The following PCCA variants were observed in gnomAD, a reference collection of about 807,000 sequenced individuals.
PCCA encodes propionyl-CoA carboxylase alpha chain, mitochondrial.
A neutral mutation model predicts 101.3 loss-of-function variants in PCCA; 74 were observed. The ratio of observed to expected loss-of-function variants is 0.73; its 90% CI spans 0.61 to 0.89. The LOEUF is 0.89. Among genes scored for constraint, PCCA ranks in the 40% least tolerant of loss-of-function variants. The probability of loss-of-function intolerance (pLI) is 0.00; values close to 1 mark genes in which losing one functional copy is unlikely to be tolerated. For synonymous variants in PCCA, 294 were observed against 313.6 expected, an observed-to-expected ratio of 0.94 and a Z score of 0.66; for missense variants, 891 against 907.0, an observed-to-expected ratio of 0.98 and a Z score of 0.23.
chr13:100,270,429 A>G (rs551253072), intron 11 of PCCA, among the ~76,000 whole-genome samples: 30 of 152,328 alleles, frequency 2.0e-4, no homozygotes, highest in African/African-American at 6.3e-4. Context: ...TTCCAATTCA[A>G]TTAACACTCT....
intron 19 of PCCA, among the ~76,000 whole-genome samples, chr13:100,396,073 A>T (rs1315616245): frequency 6.6e-6 from 1 of 152,216 alleles, no homozygotes. Context: ...CAATAATTTA[A>T]CGTTATGCTG....
rs2079163590 is a variant in PCCA at position 100,426,614 on chromosome 13, A to G, written c.1845+883A>G. Among the ~76,000 whole-genome samples the G allele has an allele frequency of 3.3e-5, 5 of 152,186 alleles. 1 individual carries two copies. The South Asian group carries it at 1.0e-3, about 31-fold the overall frequency. ...CATCAGAATCCACAAAAACTATGTG[A>G]TGACTGAACTGATTTCTAAGTCAGT... On this transcript the variant is annotated intron_variant, in intron 20 of 23. Coordinates refer to ENST00000376285, the MANE Select transcript of PCCA (RefSeq NM_000282.4).
chr13:100,269,466 C>T (rs890633686), intron 11 of PCCA, among the ~76,000 whole-genome samples: 1 of 152,082 alleles, frequency 6.6e-6, no homozygotes, highest in Admixed American at 6.6e-5. Flanking sequence ...TTTATCCTAC[C>T]ATGAAAGGCT....
intron 10 of PCCA, among the ~76,000 whole-genome samples, chr13:100,264,196 CATATATGTGATATCTGTATCTCAT>C (rs746299396): frequency 0.2 from 10,143 of 51,090 alleles, 1,453 homozygotes; most frequent in Middle Eastern, 0.45. Flanking sequence ...ATCTGTATAT[CATATATGTGATATCTGTATCTCAT>C]ATATATGTGA....
At chr13:100,243,040 C>T (rs1305172203) in intron 8 of PCCA, among the ~76,000 whole-genome samples, 1 of 152,136 alleles carries the variant, frequency 6.6e-6, no homozygotes, top group African/African-American at 2.4e-5. Context: ...GGACTACAGG[C>T]ATGCACCACC....
chr13:100,188,330 C>CAAA (rs59950655), intron 6 of PCCA, among the ~76,000 whole-genome samples: 19,091 of 106,032 alleles, frequency 0.18, 1,352 homozygotes, highest in Middle Eastern at 0.22. Context: ...AAAACAAAAA[C>CAAA]ACAAAGAAAG....
chr13:100,492,194 GCA>G (rs2084954210), intron 21 of PCCA, among the ~76,000 whole-genome samples: 1 of 151,984 alleles, frequency 6.6e-6, no homozygotes, highest in Non-Finnish European at 1.5e-5. Context: ...GAGTGCAGTG[GCA>G]TGATCTCGGC....
intron 8 of PCCA, among the ~76,000 whole-genome samples, chr13:100,239,908 T>C (rs2061017504): frequency 6.6e-6 from 1 of 152,124 alleles, no homozygotes; most frequent in Non-Finnish European, 1.5e-5. Context: ...TCAATAAATG[T>C]CACCCCTTTC....
intron 14 of PCCA, among the ~76,000 whole-genome samples, chr13:100,306,144 G>A (rs557882088): frequency 6.6e-6 from 1 of 152,264 alleles, no homozygotes; most frequent in Non-Finnish European, 1.5e-5. Flanking sequence ...AATATTAAAG[G>A]CCTAACAGCC....
intron 14 of PCCA, among the ~76,000 whole-genome samples, chr13:100,306,385 C>T (rs1025921821): frequency 6.6e-6 from 1 of 152,198 alleles, no homozygotes; most frequent in African/African-American, 2.4e-5. Flanking sequence ...CTTTTAAATA[C>T]TTCAGATTCC....
intron 19 of PCCA, among the ~76,000 whole-genome samples, chr13:100,386,402 C>A (rs2076502810): frequency 6.6e-6 from 1 of 152,026 alleles, no homozygotes; most frequent in South Asian, 2.1e-4. Flanking sequence ...AAGACGGAAT[C>A]TCGCTCTGTA....
chr13:100,514,463 C>G (rs1460036107), intron 21 of PCCA, among the ~76,000 whole-genome samples: 1 of 152,232 alleles, frequency 6.6e-6, no homozygotes, highest in Non-Finnish European at 1.5e-5. Flanking sequence ...CTCACTGCTG[C>G]TTCTTTCTTA....
In PCCA at chr13:100,448,658, T is replaced by C. The variant is rs542788366; in HGVS notation, c.1846-594T>C. 2.6e-5 allele frequency among the ~76,000 whole-genome samples: 4 copies of C among 152,390 alleles called. No individual in the cohort carries two copies. In the East Asian group the frequency reaches 7.7e-4, roughly 29 times the overall value. On this transcript the variant is annotated intron_variant, in intron 20 of 23. Transcript: ENST00000376285. Reference sequence around the variant, plus strand: ...TCAAACAAGATATATGCAAGTGATATATTTGCTGTAAACAAATTTTATTTA... The same window carrying C: ...TCAAACAAGATATATGCAAGTGATACATTTGCTGTAAACAAATTTTATTTA...
chr13:100,302,436 G>A (rs898969605), intron 13 of PCCA, among the ~76,000 whole-genome samples: 1 of 151,244 alleles, frequency 6.6e-6, no homozygotes, highest in Non-Finnish European at 1.5e-5. Flanking sequence ...TTATTCTGAT[G>A]ATCTAAGATA....
At chr13:100,422,120 T>TTC in intron 19 of PCCA, among the ~76,000 whole-genome samples, 6 of 82,278 alleles carry the variant, frequency 7.3e-5, no homozygotes, top group Non-Finnish European at 7.7e-5. Context: ...CTTTCTTTCT[T>TTC]TTCTTTCTTT....
intron 4 of PCCA, among the ~76,000 whole-genome samples, chr13:100,123,095 C>T (rs757402938): frequency 7.2e-5 from 11 of 152,208 alleles, no homozygotes; most frequent in Admixed American, 3.9e-4. Context: ...CTCACTCTGT[C>T]GTCCAGGCTG....
intron 10 of PCCA, 40 bp downstream of exon 10, chr13:100,262,871 A>C: frequency 1.2e-6 from 1 of 825,938 alleles, no homozygotes; most frequent in Non-Finnish European, 2.1e-6. Context: ...TTATTTTAAA[A>C]TAATATCATT....
intron 12 of PCCA, among the ~76,000 whole-genome samples, chr13:100,282,887 A>G (rs1204385400): frequency 2.6e-5 from 4 of 152,102 alleles, no homozygotes; most frequent in Admixed American, 2.0e-4. Flanking sequence ...CCTATGAATG[A>G]TAATCCTCCT....
intron 20 of PCCA, among the ~76,000 whole-genome samples, chr13:100,447,293 A>C (rs986146006): frequency 6.6e-6 from 1 of 152,094 alleles, no homozygotes; most frequent in Admixed American, 6.6e-5. Context: ...CTGAGGCCGG[A>C]GAATCGCTTG....
Sources: allele counts gnomAD v4.1 joint callset (sites outside exome capture counted in the v4.1 genomes callset), GRCh38; gene constraint gnomAD v4.1.1; transcripts MANE v1.5; gene names NCBI Gene and HGNC (gene_info 2026-07-23, HGNC 2026-07-21).